Variants in UGT2B28 observed in about 807,000 individuals in gnomAD.
The protein encoded by UGT2B28 is UDP-glucuronosyltransferase 2B28.
Under a neutral mutation model 43.6 loss-of-function variants are expected in UGT2B28, and 45 were observed. The observed-to-expected ratio is 1.03, with a 90% confidence interval of 0.81 to 1.32. The LOEUF is 1.32. Among genes scored for constraint, UGT2B28 ranks in the 40% most tolerant of loss-of-function variants. The probability of loss-of-function intolerance (pLI) is 0.00; values close to 1 mark genes in which losing one functional copy is unlikely to be tolerated. For missense variants in UGT2B28, 649 were observed against 625.5 expected (o/e 1.04, Z -0.40); for synonymous variants, 204 against 208.1 (o/e 0.98, Z 0.17).
At chr4:69,281,946 T>C (rs1723624889) in intron 1 of UGT2B28, among the ~76,000 whole-genome samples, 1 of 140,558 alleles carries the variant, frequency 7.1e-6, no homozygotes, top group Admixed American at 7.2e-5. Flanking sequence ...AATTTCTAGC[T>C]ATAATTTACA....
chr4:69,288,785 A>G (rs1382099578), intron 3 of UGT2B28, among the ~76,000 whole-genome samples: 1 of 139,518 alleles, frequency 7.2e-6, no homozygotes, highest in African/African-American at 2.8e-5. Flanking sequence ...TGTTGTTGCC[A>G]TCTATGTATC....
intron 2 of UGT2B28, among the ~76,000 whole-genome samples, chr4:69,284,234 T>C (rs1426853650): frequency 7.1e-6 from 1 of 139,976 alleles, no homozygotes; most frequent in Non-Finnish European, 1.5e-5. Flanking sequence ...ACCACTTGTA[T>C]CTGAATAGTG....
At chr4:69,290,034 C>A (rs1014500263) in intron 4 of UGT2B28, among the ~76,000 whole-genome samples, 2 of 140,244 alleles carry the variant, frequency 1.4e-5, no homozygotes, top group Non-Finnish European at 3.0e-5. Context: ...CTCTCCGTCT[C>A]CTGTTTCTAC....
At chr4:69,286,143 T>TC (rs1723766879) in intron 2 of UGT2B28, among the ~76,000 whole-genome samples, 1 of 141,516 alleles carries the variant, frequency 7.1e-6, no homozygotes, top group Admixed American at 7.1e-5. Context: ...CACCAGCTTT[T>TC]ATTTTCATTT....
chr4:69,284,865 A>G lies in UGT2B28; in HGVS notation c.871-1887A>G, dbSNP rs1282677975. On this transcript the variant is annotated intron_variant, in intron 2 of 5. Coordinates refer to ENST00000335568, the MANE Select transcript of UGT2B28 (RefSeq NM_053039.2). ...GAGAATAAGACACTTGACAAACTGC[A>G]TCAAGTGTTTTAAAAATGCGTATTG... is the stretch of plus-strand genomic sequence containing the variant. 2.8e-5 allele frequency among the ~76,000 whole-genome samples: 4 copies of G among 140,426 alleles called. 1 individual carries two copies. Among genetic ancestry groups the G allele is most frequent in the African/African-American group, 1.1e-4 (4 of 36,128 alleles). 92.1% of individuals were successfully genotyped at this position (140,426 alleles called of 152,430 possible). A position where few individuals can be genotyped will look rare whatever the true frequency, so the allele number is the denominator to read the frequency against.
rs1724043804 is a variant in UGT2B28 at position 69,294,457 on chromosome 4, C to G, written c.1311-73C>G. On this transcript the variant is annotated intron_variant, in intron 5 of 5. Coordinates refer to ENST00000335568, the MANE Select transcript of UGT2B28 (RefSeq NM_053039.2). ...TTTGAATTATTTGACACTTTAAAAG[C>G]CTTTCATAGACTTGATACATACAGG... The G allele has an allele frequency of 1.5e-6, 2 of 1,322,504 alleles. 1 individual carries two copies. Among genetic ancestry groups the G allele is most frequent in the African/African-American group, 3.4e-5 (2 of 58,230 alleles). 81.9% of individuals were successfully genotyped at this position (1,322,504 alleles called of 1,614,324 possible).
chr4:69,293,560 A>C (rs1450168567), intron 5 of UGT2B28, among the ~76,000 whole-genome samples: 1 of 140,332 alleles, frequency 7.1e-6, no homozygotes, highest in Non-Finnish European at 1.5e-5. Flanking sequence ...TCTTAGAGGT[A>C]ACACTTAGAG....
chr4:69,294,487 T>C, intron 5 of UGT2B28, 43 bp from the exon 6 acceptor site: 1 of 1,484,308 alleles, frequency 6.7e-7, no homozygotes, highest in Non-Finnish European at 9.0e-7. Flanking sequence ...TACAGGCCAG[T>C]TAACTTACTT....
chr4:69,285,789 C>T lies in UGT2B28; in HGVS notation c.871-963C>T, dbSNP rs1400071433. Among the ~76,000 whole-genome samples, 14 of 140,894 alleles carry T rather than the reference C, an allele frequency of 9.9e-5. 1 individual carries two copies. Among genetic ancestry groups the T allele is most frequent in the Non-Finnish European group, 2.0e-4 (13 of 65,892 alleles). The allele number at this position is 140,894 out of a possible 152,430, so 92.4% of individuals were successfully genotyped here. A position where few individuals can be genotyped will look rare whatever the true frequency, so the allele number is the denominator to read the frequency against. On this transcript the variant is annotated intron_variant, in intron 2 of 5. Coordinates refer to ENST00000335568, the MANE Select transcript of UGT2B28 (RefSeq NM_053039.2). ...CTCAATCAATTGCAGCCAAGCACATCTTCACCAGGCGTGTAATGTGGTGTG... is the reference window on the plus strand; with the variant it reads ...CTCAATCAATTGCAGCCAAGCACATTTTCACCAGGCGTGTAATGTGGTGTG...
chr4:69,286,789 G>T lies in UGT2B28; in HGVS notation c.908G>T (p.Gly303Val). ...EEFVQSSGEN[G>V]VVVFSLGSVI... is the part of the protein sequence containing the mutation. ...TTTGTACAGAGCTCTGGTGAAAATG[G>T]TGTTGTGGTGTTTTCTCTGGGGTCA... The change falls in exon 3 of 6, where the codon GGT (glycine) becomes GTT (valine). Residue 303 changes from glycine (G) to valine (V), a missense_variant. Transcript: ENST00000335568. 3 of 1,556,216 alleles carry T rather than the reference G, an allele frequency of 1.9e-6. No homozygotes were observed. Among genetic ancestry groups the T allele is most frequent in the Non-Finnish European group, 2.6e-6 (3 of 1,154,546 alleles).
chr4:69,280,497 C>A lies in UGT2B28; in HGVS notation c.-4C>A. On this transcript the variant is annotated 5_prime_UTR_variant, in exon 1 of 6. Coordinates refer to ENST00000335568, the MANE Select transcript of UGT2B28 (RefSeq NM_053039.2). ...CTTGAAAAGAATGATTGCATTGCAC[C>A]AGGATGGCTCTGAAGTGGACTTCAG... 4 of 1,549,588 alleles carry A rather than the reference C, an allele frequency of 2.6e-6. No homozygotes were observed. The highest frequency in any genetic ancestry group is 3.5e-6 in the Non-Finnish European group (4 of 1,151,682).
At position 69,282,651 on chromosome 4, in the gene UGT2B28, C is replaced by T. The variant is rs1229340713; in HGVS notation, c.859C>T (p.Pro287Ser). The stretch of plus-strand genomic sequence containing the variant: ...AGGACTCCACTGCAAACCTGCCAAA[C>T]CCCTACCTAAGGTAAACATACTTTC... ...VGGLHCKPAK[P>S]LPKEMEEFVQ... The change falls in exon 2 of 6, where the codon CCC becomes TCC. Residue 287 changes from proline (P) to serine (S), a missense_variant. Coordinates refer to ENST00000335568, the MANE Select transcript of UGT2B28 (RefSeq NM_053039.2). 6.5e-7 allele frequency: 1 copy of T among 1,548,252 alleles called. No homozygotes were observed. The highest frequency in any genetic ancestry group is 8.7e-7 in the Non-Finnish European group (1 of 1,151,700).
At position 69,294,708 on chromosome 4, in the gene UGT2B28, C is replaced by T; in HGVS notation, c.1489C>T (p.Leu497=). The change falls in exon 6 of 6, where the codon CTG becomes TTG. Residue 497 remains leucine (L), a synonymous_variant. Coordinates refer to ENST00000335568, the MANE Select transcript of UGT2B28 (RefSeq NM_053039.2). ...CCACTCTTTGGATGTGATTGGGTTT[C>T]TGCTGGCCTGTGTGGCAACTGTGAT... ...QYHSLDVIGF[L]LACVATVIFV... 1 of 1,559,898 alleles carries T rather than the reference C, an allele frequency of 6.4e-7. No homozygotes were observed. The highest frequency in any genetic ancestry group is 8.7e-7 in the Non-Finnish European group (1 of 1,155,464).
chr4:69,291,609 A>G lies in UGT2B28; in HGVS notation c.1310+798A>G, dbSNP rs1432236176. On this transcript the variant is annotated intron_variant, in intron 5 of 5. Transcript: ENST00000335568. ...TTACACTTGTGTAATATTTTATAGT[A>G]TGGATATGTCATAATTTAGTTGTTC... Among the ~76,000 whole-genome samples the G allele has an allele frequency of 2.8e-5, 4 of 140,598 alleles. 1 individual carries two copies. The highest frequency in any genetic ancestry group is 1.1e-4 in the African/African-American group (4 of 36,116). 92.2% of individuals were successfully genotyped at this position (140,598 alleles called of 152,430 possible).
At chr4:69,286,642 C>A (rs1723783188) in intron 2 of UGT2B28, 110 bp from the exon 3 acceptor site, 1 of 1,375,096 alleles carries the variant, frequency 7.3e-7, no homozygotes, top group African/African-American at 1.7e-5. Context: ...TTATTTACTC[C>A]AATAATTCCT....
rs1229669838 is a variant in UGT2B28 at position 69,293,320 on chromosome 4, G to A, written c.1311-1210G>A. Among the ~76,000 whole-genome samples, 8 of 140,584 alleles carry A rather than the reference G, an allele frequency of 5.7e-5. 1 individual carries two copies. Among genetic ancestry groups the A allele is most frequent in the Non-Finnish European group, 1.2e-4 (8 of 65,774 alleles). 92.2% of individuals were successfully genotyped at this position (140,584 alleles called of 152,430 possible). ...ATTGTGATAGCCTATACCACGACCT[G>A]AACAGTAGGTAAATTGGTATCTTCA... On this transcript the variant is annotated intron_variant, in intron 5 of 5. Coordinates refer to ENST00000335568, the MANE Select transcript of UGT2B28 (RefSeq NM_053039.2).
In UGT2B28 at chr4:69,280,971, T is replaced by C. The variant is rs1723586178; in HGVS notation, c.471T>C (p.Gly157=). ...TTGCAGATGCTTTTTTTCCTTGTGG[T>C]GAGCTGCTGGCTGCGCTACTTAACA... The part of the protein sequence containing the change: ...IIFADAFFPC[G]ELLAALLNIP... Residue 157 remains glycine (G), a synonymous_variant, in exon 1 of 6, where the codon GGT becomes GGC. Transcript: ENST00000335568. 1.3e-6 allele frequency: 2 copies of C among 1,559,374 alleles called. No homozygotes were observed. The highest frequency in any genetic ancestry group is 1.5e-5 in the African/African-American group (1 of 66,010).
At position 69,294,610 on chromosome 4, in the gene UGT2B28, T is replaced by C. The variant is rs1724048690; in HGVS notation, c.1391T>C (p.Ile464Thr). ...CCCCTGCATCGAGCAGTCTTCTGGATTGAATTTGTGATGTGCCACAAAGGA... is the reference window on the plus strand; with the variant it reads ...CCCCTGCATCGAGCAGTCTTCTGGACTGAATTTGTGATGTGCCACAAAGGA... Reference protein sequence around the residue: ...VKPLHRAVFWIEFVMCHKGAK... With the variant: ...VKPLHRAVFWTEFVMCHKGAK... Residue 464 changes from isoleucine to threonine, a missense_variant, in exon 6 of 6, where the codon ATT (isoleucine) becomes ACT (threonine). Ile to Thr is a moderately conservative substitution (Grantham distance 89). Coordinates refer to ENST00000335568, the MANE Select transcript of UGT2B28 (RefSeq NM_053039.2). The C allele has an allele frequency of 1.3e-6, 2 of 1,553,662 alleles. No homozygotes were observed. Among genetic ancestry groups the C allele is most frequent in the Non-Finnish European group, 8.7e-7 (1 of 1,151,536 alleles).
At chr4:69,283,133 A>G (rs906579790) in intron 2 of UGT2B28, among the ~76,000 whole-genome samples, 2 of 140,240 alleles carry the variant, frequency 1.4e-5, no homozygotes, top group African/African-American at 5.6e-5. Flanking sequence ...ATCAGTGGAG[A>G]TAATAGAAAG....
Sources: allele counts gnomAD v4.1 joint callset (sites outside exome capture counted in the v4.1 genomes callset), GRCh38; gene constraint gnomAD v4.1.1; transcripts MANE v1.5; gene names NCBI Gene and HGNC (gene_info 2026-07-23, HGNC 2026-07-21).